Variants in TTC29 observed in about 807,000 individuals in gnomAD.
TTC29 encodes tetratricopeptide repeat protein 29.
In TTC29, 49 loss-of-function variants were observed where a neutral mutation model predicts 58.1. The ratio of observed to expected loss-of-function variants is 0.84; its 90% confidence interval spans 0.67 to 1.07. TTC29 has a LOEUF of 1.07. Among genes scored for constraint, TTC29 ranks in the 50% least tolerant of loss-of-function variants. TTC29 has a pLI of 0.00. For missense variants in TTC29, 582 were observed against 555.6 expected (o/e 1.05, Z -0.48); for synonymous variants, 209 against 196.8 (o/e 1.06, Z -0.52).
intron 11 of TTC29, among the ~76,000 whole-genome samples, chr4:146,724,702 CG>C (rs1477364979): frequency 4.6e-5 from 7 of 151,884 alleles, no homozygotes; most frequent in Non-Finnish European, 1.0e-4. Context: ...TTAGTAGAGA[CG>C]GGGTTTCACC....
At chr4:146,930,871 C>T (rs1735286211) in intron 4 of TTC29, among the ~76,000 whole-genome samples, 1 of 152,016 alleles carries the variant, frequency 6.6e-6, no homozygotes, top group Non-Finnish European at 1.5e-5. Context: ...ATCACTTTGT[C>T]CTATGACACT....
chr4:146,760,812 G>T (rs1332898113), intron 11 of TTC29, among the ~76,000 whole-genome samples: 2 of 131,258 alleles, frequency 1.5e-5, no homozygotes, highest in Admixed American at 8.0e-5. Flanking sequence ...ATATATATAT[G>T]ATGGAATACT....
intron 11 of TTC29, among the ~76,000 whole-genome samples, chr4:146,710,118 G>A (rs1316088281): frequency 2.0e-5 from 3 of 152,108 alleles, no homozygotes; most frequent in Non-Finnish European, 4.4e-5. Flanking sequence ...GTCACTTAAC[G>A]ACAAGAATAC....
At chr4:146,842,912 T>C (rs1561179818) in intron 8 of TTC29, among the ~76,000 whole-genome samples, 1 of 152,198 alleles carries the variant, frequency 6.6e-6, no homozygotes, top group Non-Finnish European at 1.5e-5. Context: ...TGGAAATACA[T>C]TTATTCTGAT....
At chr4:146,774,201 G>T (rs1055193787) in intron 11 of TTC29, among the ~76,000 whole-genome samples, 7 of 152,008 alleles carry the variant, frequency 4.6e-5, no homozygotes, top group Non-Finnish European at 7.4e-5. Context: ...TTGATCTTTT[G>T]CATGGTTTTT....
At chr4:146,857,688 A>G (rs1360611224) in intron 8 of TTC29, among the ~76,000 whole-genome samples, 3 of 152,158 alleles carry the variant, frequency 2.0e-5, no homozygotes, top group African/African-American at 7.2e-5. Context: ...TACCCAGACC[A>G]TTAAACCAAG....
intron 10 of TTC29, among the ~76,000 whole-genome samples, chr4:146,819,435 T>C (rs1323717241): frequency 6.6e-6 from 1 of 152,150 alleles, no homozygotes; most frequent in Non-Finnish European, 1.5e-5. Flanking sequence ...TTATTCATGA[T>C]CAAAACAGCA....
intron 8 of TTC29, among the ~76,000 whole-genome samples, chr4:146,839,245 C>G (rs113225416): frequency 0.065 from 9,885 of 151,856 alleles, 425 homozygotes; most frequent in Admixed American, 0.13. Context: ...TTTGATAGTG[C>G]AGTAGAGATA....
chr4:146,909,091 TCCTCC>T lies in TTC29; in HGVS notation c.330_334del (p.Glu111AlafsTer3), dbSNP rs766352190. On this transcript the variant is annotated frameshift_variant, in exon 5 of 13. Coordinates refer to ENST00000325106, the MANE Select transcript of TTC29 (RefSeq NM_031956.4). LOFTEE classifies it high-confidence loss of function. The stretch of plus-strand genomic sequence containing the variant: ...CAGGTAATCCAGTTTATCAGGCTGC[TCCTCC>T]AGGGGCTTCTGCAGCCAGAAGAGGG... 26 of 1,613,798 alleles carry T rather than the reference TCCTCC, an allele frequency of 1.6e-5. No individual in the cohort carries two copies. Among genetic ancestry groups the T allele is most frequent in the African/African-American group, 2.7e-5 (2 of 74,922 alleles).
At chr4:146,838,707 AATGTAGATCGAAAATACAGTATTTG>A (rs1294236539) in intron 8 of TTC29, among the ~76,000 whole-genome samples, 1 of 151,960 alleles carries the variant, frequency 6.6e-6, no homozygotes, top group African/African-American at 2.4e-5. Flanking sequence ...TTTTCAACCA[AATGTAGATCGAAAATACAGTATTTG>A]AAGGATTGGG....
rs140780264 is a variant in TTC29, at chr4:146,786,280, T to A, written c.1330+17177A>T. ...GTATAATGCACAAGTGACCGTTTGT[T>A]CTCTAAAAGACTGGCACTGCCAGGC... On this transcript the variant is annotated intron_variant, in intron 11 of 12. Transcript: ENST00000325106. Among the ~76,000 whole-genome samples, 150 of 152,288 alleles carry A rather than the reference T, an allele frequency of 9.8e-4. 2 individuals carry two copies. Among genetic ancestry groups the A allele is most frequent in the Middle Eastern group, 3.4e-3 (1 of 294 alleles).
At chr4:146,892,158 C>T (rs1050522170) in intron 6 of TTC29, among the ~76,000 whole-genome samples, 7 of 152,040 alleles carry the variant, frequency 4.6e-5, no homozygotes, top group African/African-American at 1.7e-4. Context: ...AGTGAGTTCT[C>T]ATGAAATCTG....
intron 6 of TTC29, among the ~76,000 whole-genome samples, chr4:146,899,271 C>T (rs1579940965): frequency 6.6e-6 from 1 of 152,160 alleles, no homozygotes; most frequent in East Asian, 1.9e-4. Context: ...GGTGTTTCCC[C>T]AGTCATGTCT....
chr4:146,930,810 T>TTCATCC (rs1476376592), intron 4 of TTC29, among the ~76,000 whole-genome samples: 3 of 152,240 alleles, frequency 2.0e-5, no homozygotes, highest in Non-Finnish European at 4.4e-5. Context: ...TTCTGGCTGA[T>TTCATCC]TCATCCTCTG....
At chr4:146,754,034 C>G (rs937597207) in intron 11 of TTC29, among the ~76,000 whole-genome samples, 3 of 150,632 alleles carry the variant, frequency 2.0e-5, no homozygotes, top group Non-Finnish European at 4.4e-5. Context: ...TGCATATGTA[C>G]CCTAAAACTT....
In TTC29 at chr4:146,707,553, T is replaced by A. The variant is rs1742056838; in HGVS notation, c.1331-2A>T. On this transcript the variant is annotated splice_acceptor_variant, in intron 11 of 12. Transcript: ENST00000325106. LOFTEE classifies it high-confidence loss of function. Reference sequence around the variant, plus strand: ...CCACTGTGGATCCTCTAAACTCTTCTAAAAAAAAAATACACAAAGTTAATA... The same window carrying A: ...CCACTGTGGATCCTCTAAACTCTTCAAAAAAAAAAATACACAAAGTTAATA... The A allele has an allele frequency of 1.4e-6, 2 of 1,426,814 alleles. No homozygotes were observed. The highest frequency in any genetic ancestry group is 5.2e-5 in the East Asian group (2 of 38,218). The allele number at this position is 1,426,814 out of a possible 1,614,324, so 88.4% of individuals were successfully genotyped here.
intron 4 of TTC29, among the ~76,000 whole-genome samples, chr4:146,930,084 CATATATATAT>C (rs70958534): frequency 0.063 from 4,885 of 77,452 alleles, 228 homozygotes; most frequent in Non-Finnish European, 0.086. Context: ...TGTGTGTGTG[CATATATATAT>C]ATATATATAT....
chr4:146,723,642 C>T (rs1743549706), intron 11 of TTC29, among the ~76,000 whole-genome samples: 2 of 152,304 alleles, frequency 1.3e-5, no homozygotes, highest in African/African-American at 4.8e-5. Flanking sequence ...CTCCACATAA[C>T]TAATCATCAG....
At chr4:146,783,144 A>C (rs1001157422) in intron 11 of TTC29, among the ~76,000 whole-genome samples, 3 of 152,040 alleles carry the variant, frequency 2.0e-5, no homozygotes, top group Non-Finnish European at 4.4e-5. Context: ...GGTGTACAAC[A>C]TGATGTTTTG....
Sources: allele counts gnomAD v4.1 joint callset (sites outside exome capture counted in the v4.1 genomes callset), GRCh38; gene constraint gnomAD v4.1.1; transcripts MANE v1.5; gene names NCBI Gene and HGNC (gene_info 2026-07-23, HGNC 2026-07-21).